Variants in SLC9A4 observed in about 807,000 individuals in gnomAD.
SLC9A4 encodes solute carrier family 9 member A4, also known as sodium/hydrogen exchanger 4.
SLC9A4 carries 63 observed loss-of-function variants against 67.4 expected under a neutral mutation model. That is an observed-to-expected ratio of 0.93 (90% CI 0.76 to 1.15). The LOEUF is 1.15. Ranked by LOEUF, SLC9A4 falls within the 50% of genes most tolerant of loss-of-function variation. The pLI is 0.00. For missense variants in SLC9A4, 1,089 were observed against 987.7 expected, an observed-to-expected ratio of 1.10 and a Z score of -1.38; for synonymous variants, 393 against 367.2, an observed-to-expected ratio of 1.07 and a Z score of -0.80.
chr2:102,528,627 C>T (rs114367860), intron 11 of SLC9A4, among the ~76,000 whole-genome samples: 284 of 152,136 alleles, frequency 1.9e-3, no homozygotes, highest in Middle Eastern at 6.8e-3. Context: ...GAGATGACCA[C>T]GGAGCAGATT....
chr2:102,514,211 A>T lies in SLC9A4; in HGVS notation c.1681A>T (p.Thr561Ser). Residue 561 changes from threonine to serine, a missense_variant, in exon 8 of 12, where the codon ACT becomes TCT. Thr to Ser is a moderately conservative substitution (Grantham distance 58). Transcript: ENST00000295269. The stretch of plus-strand genomic sequence containing the variant: ...GAAGCAAGCCATCGAGATGGTGGAG[A>T]CTGGGATACTGAGCTCTACAGCTTT... ...EMKQAIEMVE[T>S]GILSSTAFSI... 6.2e-7 allele frequency: 1 copy of T among 1,614,092 alleles called. No individual in the cohort carries two copies. The highest frequency in any genetic ancestry group is 1.7e-5 in the Admixed American group (1 of 60,010).
chr2:102,530,995 G>GT (rs561808622), intron 11 of SLC9A4, among the ~76,000 whole-genome samples: 12 of 146,682 alleles, frequency 8.2e-5, no homozygotes, highest in East Asian at 2.0e-4. Context: ...TTTTTGTTTT[G>GT]TTTTTTTAGG....
chr2:102,488,548 CT>C (rs5833020), intron 2 of SLC9A4, among the ~76,000 whole-genome samples: 50,325 of 123,706 alleles, frequency 0.41, 9,541 homozygotes, highest in African/African-American at 0.61. Context: ...AATCTAATTC[CT>C]TTTTTTTTTT....
rs543378900 is a variant in SLC9A4 at position 102,473,463 on chromosome 2, C to G, written c.-297C>G. On this transcript the variant is annotated 5_prime_UTR_variant, in exon 1 of 12. Transcript: ENST00000295269. Reference sequence around the variant, plus strand: ...AGATTTTTATTTCTTTCATAAATTGCTCAAGCCATGATTGGATGGAGGTCC... The same window carrying G: ...AGATTTTTATTTCTTTCATAAATTGGTCAAGCCATGATTGGATGGAGGTCC... The G allele has an allele frequency of 2.6e-6, 1 of 381,684 alleles. No homozygotes were observed. 23.6% of individuals were successfully genotyped at this position (381,684 alleles called of 1,614,324 possible). A position where few individuals can be genotyped will look rare whatever the true frequency, so the allele number is the denominator to read the frequency against.
chr2:102,524,137 T>C (rs1027548275), intron 9 of SLC9A4, among the ~76,000 whole-genome samples: 4 of 152,236 alleles, frequency 2.6e-5, no homozygotes, highest in Non-Finnish European at 2.9e-5. Flanking sequence ...ACATAGAACA[T>C]TTTCTCTATT....
At chr2:102,499,447 G>A (rs1280143563) in intron 2 of SLC9A4, among the ~76,000 whole-genome samples, 1 of 152,152 alleles carries the variant, frequency 6.6e-6, no homozygotes, top group Non-Finnish European at 1.5e-5. Flanking sequence ...ACCAAATTCA[G>A]TTTAAGATCT....
At chr2:102,498,481 C>T (rs12053526) in intron 2 of SLC9A4, among the ~76,000 whole-genome samples, 2,732 of 152,276 alleles carry the variant, frequency 0.018, 73 homozygotes, top group East Asian at 0.089. Flanking sequence ...CTTTGAGTCT[C>T]GGTCATATTC....
In SLC9A4 at chr2:102,503,492, TGAA is replaced by T; in HGVS notation, c.768_770del (p.Glu256del). 1 of 1,613,648 alleles carries T rather than the reference TGAA, an allele frequency of 6.2e-7. No homozygotes were observed. The highest frequency in any genetic ancestry group is 8.5e-7 in the Non-Finnish European group (1 of 1,179,570). On this transcript the variant is annotated inframe_deletion, in exon 3 of 12. Coordinates refer to ENST00000295269, the MANE Select transcript of SLC9A4 (RefSeq NM_001011552.4). The stretch of plus-strand genomic sequence containing the variant: ...TTGCCTTTACAAAGATGCATAAATT[TGAA>T]GACATAGAAACTGTCGACATTTTGG...
Position 102,512,958 on chromosome 2 carries a change from C to A in SLC9A4, c.1559+685C>A, listed in dbSNP as rs942701315. On this transcript the variant is annotated intron_variant, in intron 7 of 11. Coordinates refer to ENST00000295269, the MANE Select transcript of SLC9A4 (RefSeq NM_001011552.4). ...AGAGAGGCTGGCAGCGAAGCACGAG[C>A]GAGTCAGGGTGTGGAGGGCGCAGAG... Among the ~76,000 whole-genome samples the A allele has an allele frequency of 3.4e-5, 4 of 117,324 alleles. No homozygotes were observed. The South Asian group carries it at 1.1e-3, about 32-fold the overall frequency. The allele number at this position is 117,324 out of a possible 152,430, so 77.0% of individuals were successfully genotyped here.
intron 8 of SLC9A4, among the ~76,000 whole-genome samples, chr2:102,517,460 G>A (rs1685297584): frequency 1.3e-5 from 2 of 152,296 alleles, no homozygotes; most frequent in African/African-American, 4.8e-5. Context: ...GAAAAAGAAT[G>A]AGGGCAGACT....
chr2:102,512,677 C>T (rs1685188997), intron 7 of SLC9A4, among the ~76,000 whole-genome samples: 1 of 152,080 alleles, frequency 6.6e-6, no homozygotes, highest in South Asian at 2.1e-4. Context: ...GTTGGGGAGG[C>T]CATGGTGGAA....
At chr2:102,497,334 A>G (rs1684831728) in intron 2 of SLC9A4, among the ~76,000 whole-genome samples, 1 of 152,258 alleles carries the variant, frequency 6.6e-6, no homozygotes, top group Non-Finnish European at 1.5e-5. Context: ...CGCAAGAGAA[A>G]TGACAACATA....
intron 7 of SLC9A4, among the ~76,000 whole-genome samples, chr2:102,512,507 G>A (rs1279606432): frequency 2.0e-5 from 3 of 152,192 alleles, no homozygotes; most frequent in Non-Finnish European, 4.4e-5. Flanking sequence ...AACTGGTACA[G>A]CTAGTGGGTA....
At chr2:102,502,492 G>A (rs1377392338) in intron 2 of SLC9A4, among the ~76,000 whole-genome samples, 1 of 152,174 alleles carries the variant, frequency 6.6e-6, no homozygotes, top group Non-Finnish European at 1.5e-5. Context: ...CTATAATAAA[G>A]GCATAACTAT....
rs565260065 is a variant in SLC9A4, at chr2:102,526,134, C to T, written c.1951-125C>T. ...AACCCCTGACCTCAGGTGATCCGCC[C>T]TCTTCTGCCTCCCAAAGTGCTGGGA... On this transcript the variant is annotated intron_variant, in intron 10 of 11. Coordinates refer to ENST00000295269, the MANE Select transcript of SLC9A4 (RefSeq NM_001011552.4). 4.5e-5 allele frequency: 42 copies of T among 932,892 alleles called. No homozygotes were observed. In the East Asian group the frequency reaches 9.0e-4, roughly 20 times the overall value. The allele number at this position is 932,892 out of a possible 1,614,324, so 57.8% of individuals were successfully genotyped here. A position where few individuals can be genotyped will look rare whatever the true frequency, so the allele number is the denominator to read the frequency against.
At chr2:102,527,375 T>TGC (rs1157249780) in intron 11 of SLC9A4, among the ~76,000 whole-genome samples, 3 of 152,206 alleles carry the variant, frequency 2.0e-5, no homozygotes, top group African/African-American at 4.8e-5. Flanking sequence ...ATGTTGTACC[T>TGC]AGGTTTCCAT....
At chr2:102,530,249 A>G (rs573032824) in intron 11 of SLC9A4, among the ~76,000 whole-genome samples, 1 of 152,012 alleles carries the variant, frequency 6.6e-6, no homozygotes, top group African/African-American at 2.4e-5. Context: ...CACCTTCCTT[A>G]TTTCTCCTTT....
intron 8 of SLC9A4, among the ~76,000 whole-genome samples, chr2:102,517,640 G>A (rs1052267536): frequency 4.6e-5 from 7 of 152,114 alleles, no homozygotes; most frequent in South Asian, 2.1e-4. Context: ...AAAATGTAAG[G>A]TGATGGATAT....
At chr2:102,477,310 A>C (rs1261845376) in intron 1 of SLC9A4, among the ~76,000 whole-genome samples, 1 of 152,088 alleles carries the variant, frequency 6.6e-6, no homozygotes, top group Non-Finnish European at 1.5e-5. Flanking sequence ...TGTTCTCCCC[A>C]CCTAAAATTT....
Sources: gnomAD v4.1 joint callset for allele counts (sites outside exome capture counted in the v4.1 genomes callset) on GRCh38, gnomAD v4.1.1 for gene constraint, MANE v1.5 for transcripts, NCBI Gene and HGNC (gene_info 2026-07-23, HGNC 2026-07-21) for gene names.